The following SPOCK3 variants were observed in gnomAD, a reference collection of about 807,000 sequenced individuals.
The protein encoded by SPOCK3 is SPARC (osteonectin), cwcv and kazal like domains proteoglycan 3, also known as testican-3.
In SPOCK3, 30 loss-of-function variants were observed where a neutral mutation model predicts 56.6. The observed-to-expected ratio is 0.53, with a 90% confidence interval of 0.40 to 0.72. The LOEUF (loss-of-function observed/expected upper bound fraction) is 0.72, where lower values mean the gene tolerates loss of function less well. Among genes scored for constraint, SPOCK3 ranks in the 30% least tolerant of loss-of-function variants. The probability of loss-of-function intolerance (pLI) is 0.00; values close to 1 mark genes in which losing one functional copy is unlikely to be tolerated. For synonymous variants in SPOCK3, 196 were observed against 183.3 expected (o/e 1.07, Z -0.56); for missense variants, 527 against 530.0 (o/e 0.99, Z 0.06).
chr4:166,952,872 G>T, intron 4 of SPOCK3, among the ~76,000 whole-genome samples: 1 of 151,646 alleles, frequency 6.6e-6, no homozygotes, highest in Non-Finnish European at 1.5e-5. Context: ...GGGTAAACTG[G>T]CTAGCCATAT....
chr4:166,813,735 T>A (rs1283711289), intron 6 of SPOCK3, among the ~76,000 whole-genome samples: 1 of 151,826 alleles, frequency 6.6e-6, no homozygotes, highest in African/African-American at 2.4e-5. Context: ...TGAAAAAAAC[T>A]GCATGGATTT....
chr4:166,911,419 A>G (rs1239115031), intron 5 of SPOCK3, among the ~76,000 whole-genome samples: 2 of 151,896 alleles, frequency 1.3e-5, no homozygotes, highest in Non-Finnish European at 2.9e-5. Context: ...AATTCTGGAA[A>G]TAACTGCAGT....
At chr4:167,171,042 A>C (rs1730454273) in intron 2 of SPOCK3, among the ~76,000 whole-genome samples, 1 of 152,134 alleles carries the variant, frequency 6.6e-6, no homozygotes, top group Non-Finnish European at 1.5e-5. Context: ...TCAAGAGGAG[A>C]GTAACTTTCA....
chr4:166,921,204 A>G (rs1282579573), intron 4 of SPOCK3, among the ~76,000 whole-genome samples: 1 of 152,218 alleles, frequency 6.6e-6, no homozygotes, highest in African/African-American at 2.4e-5. Context: ...CTGATTTTTC[A>G]AGTTAACAAG....
intron 3 of SPOCK3, chr4:167,011,438 G>T: frequency 1.0e-5 from 2 of 193,788 alleles, no homozygotes; most frequent in Admixed American, 5.3e-5. Context: ...CCTCTACTTT[G>T]TATTGTTACT....
chr4:166,887,240 C>T (rs1162850778), intron 6 of SPOCK3, among the ~76,000 whole-genome samples: 1 of 152,126 alleles, frequency 6.6e-6, no homozygotes, highest in African/African-American at 2.4e-5. Context: ...ACTACATCAG[C>T]AATACCTTTT....
In SPOCK3 at chr4:166,889,203, G is replaced by A. The variant is rs749522097; in HGVS notation, c.516C>T (p.Ile172=). The A allele has an allele frequency of 6.2e-7, 1 of 1,611,750 alleles. No individual in the cohort carries two copies. The highest frequency in any genetic ancestry group is 1.1e-5 in the South Asian group (1 of 91,016). ...GGCAATGTCCTTCACATTTGACTGAGATCTGTTTTCCTAAGACACATGCCT... is the reference window on the plus strand; with the variant it reads ...GGCAATGTCCTTCACATTTGACTGAAATCTGTTTTCCTAAGACACATGCCT... ...EYQACVLGKQ[I]SVKCEGHCPC... Residue 172 remains isoleucine (I), a synonymous_variant, in exon 6 of 11, where the codon ATC becomes ATT. Transcript: ENST00000357545.
intron 6 of SPOCK3, among the ~76,000 whole-genome samples, chr4:166,883,674 C>G (rs747872630): frequency 3.9e-5 from 6 of 152,112 alleles, no homozygotes; most frequent in Non-Finnish European, 7.4e-5. Flanking sequence ...CTTAGAAATG[C>G]GTAGCTCACA....
chr4:166,865,851 T>C (rs1302327681), intron 6 of SPOCK3, among the ~76,000 whole-genome samples: 1 of 152,046 alleles, frequency 6.6e-6, no homozygotes, highest in Non-Finnish European at 1.5e-5. Flanking sequence ...AATGGCCATA[T>C]TGCCCAAAGT....
At chr4:166,901,780 G>C (rs1736075614) in intron 5 of SPOCK3, among the ~76,000 whole-genome samples, 2 of 152,136 alleles carry the variant, frequency 1.3e-5, no homozygotes, top group Non-Finnish European at 2.9e-5. Flanking sequence ...GGTTGGTTCT[G>C]AGACTCTGGA....
chr4:166,874,233 T>C (rs1732832604), intron 6 of SPOCK3, among the ~76,000 whole-genome samples: 1 of 152,020 alleles, frequency 6.6e-6, no homozygotes, highest in Admixed American at 6.6e-5. Context: ...TATACAGCAT[T>C]CTCCTGAGCT....
chr4:166,839,209 G>A (rs1746966557), intron 6 of SPOCK3, among the ~76,000 whole-genome samples: 1 of 152,082 alleles, frequency 6.6e-6, no homozygotes, highest in Admixed American at 6.5e-5. Context: ...ATTACTGCCA[G>A]GTGGTGTCAG....
At chr4:167,097,054 A>T (rs1759219013) in intron 2 of SPOCK3, among the ~76,000 whole-genome samples, 1 of 151,850 alleles carries the variant, frequency 6.6e-6, no homozygotes, top group Admixed American at 6.6e-5. Flanking sequence ...AGGTGACTTT[A>T]TCTAAAATTA....
chr4:166,971,401 TAA>T (rs1473406735), intron 4 of SPOCK3, among the ~76,000 whole-genome samples: 12 of 152,162 alleles, frequency 7.9e-5, no homozygotes, highest in Admixed American at 7.9e-4. Flanking sequence ...AAAAAGTCTT[TAA>T]GAGGATTCGA....
At chr4:167,232,275 A>G (rs1027501604) in intron 2 of SPOCK3, among the ~76,000 whole-genome samples, 1 of 151,998 alleles carries the variant, frequency 6.6e-6, no homozygotes, top group Non-Finnish European at 1.5e-5. Context: ...GAAAGCTTTT[A>G]TCTCTGCTCT....
chr4:167,083,204 C>G, intron 2 of SPOCK3: 1 of 765,202 alleles, frequency 1.3e-6, no homozygotes, highest in Non-Finnish European at 2.4e-6. Context: ...AGAATTGCCA[C>G]AAAATTTCTG....
intron 6 of SPOCK3, among the ~76,000 whole-genome samples, chr4:166,888,023 G>A (rs970595097): frequency 1.3e-5 from 2 of 151,896 alleles, no homozygotes; most frequent in African/African-American, 2.4e-5. Flanking sequence ...TCTCTTAAAG[G>A]TAATGCTATA....
intron 6 of SPOCK3, among the ~76,000 whole-genome samples, chr4:166,873,408 TA>T (rs1332566591): frequency 6.6e-6 from 1 of 152,116 alleles, no homozygotes; most frequent in Non-Finnish European, 1.5e-5. Context: ...CTTTGGGTGA[TA>T]ATGATATATC....
rs536562996 is a variant in SPOCK3, at chr4:166,834,533, C to T, written c.590-42244G>A. On this transcript the variant is annotated intron_variant, in intron 6 of 10. Transcript: ENST00000357545. Reference sequence around the variant, plus strand: ...CAATTGGGAACCATTGTTCTTCTAGCGCTTTCTACTGCCAAGGAGAAGCCC... The same window carrying T: ...CAATTGGGAACCATTGTTCTTCTAGTGCTTTCTACTGCCAAGGAGAAGCCC... 3.1e-3 allele frequency among the ~76,000 whole-genome samples: 475 copies of T among 152,296 alleles called. 1 individual carries two copies. The highest frequency in any genetic ancestry group is 0.011 in the African/African-American group (458 of 41,570).
Sources: gnomAD v4.1 joint callset for allele counts (sites outside exome capture counted in the v4.1 genomes callset) on GRCh38, gnomAD v4.1.1 for gene constraint, MANE v1.5 for transcripts, NCBI Gene and HGNC (gene_info 2026-07-23, HGNC 2026-07-21) for gene names.